DRC10: variants seen among roughly 807,000 people sequenced by gnomAD.
DRC10 encodes IQ domain-containing protein D.
the DRC10 span, chr12:113,195,937 C>A: frequency 6.5e-7 from 1 of 1,545,892 alleles, no homozygotes; most frequent in South Asian, 1.2e-5. Context: ...AGTGCCTCCT[C>A]CCACCCTCCT....
chr12:113,217,313 T>C, the DRC10 span, among the ~76,000 whole-genome samples: 3 of 151,614 alleles, frequency 2.0e-5, no homozygotes, highest in Non-Finnish European at 4.4e-5. Context: ...ATAGTACTAA[T>C]CACACGTGTA....
chr12:113,217,180 A>C, the DRC10 span, among the ~76,000 whole-genome samples: 1 of 152,136 alleles, frequency 6.6e-6, no homozygotes, highest in Admixed American at 6.6e-5. Context: ...CCAACCCCCC[A>C]GGAATAATTT....
the DRC10 span, among the ~76,000 whole-genome samples, chr12:113,219,966 C>A: frequency 5.3e-5 from 8 of 152,160 alleles, no homozygotes; most frequent in Non-Finnish European, 7.3e-5. Flanking sequence ...CGCCACCAGG[C>A]CCGGCTAATT....
chr12:113,207,560 TG>T, the DRC10 span: 1 of 1,614,128 alleles, frequency 6.2e-7, no homozygotes, highest in East Asian at 2.2e-5. Context: ...CTCGCTTCCA[TG>T]GGACTAGTGA....
At chr12:113,218,435 G>A in the DRC10 span, among the ~76,000 whole-genome samples, 2 of 151,648 alleles carry the variant, frequency 1.3e-5, no homozygotes, top group Non-Finnish European at 2.9e-5. Context: ...GTGAGCCACC[G>A]TGCCCGGCTG....
chr12:113,208,819 G>A, the DRC10 span, among the ~76,000 whole-genome samples: 19 of 152,290 alleles, frequency 1.2e-4, 1 homozygote, highest in African/African-American at 4.3e-4. Context: ...CCTGGGCGAC[G>A]GAACCACAGG....
the DRC10 span, among the ~76,000 whole-genome samples, chr12:113,196,304 G>A: frequency 6.6e-6 from 1 of 152,264 alleles, no homozygotes; most frequent in South Asian, 2.1e-4. Context: ...GCACACAGTG[G>A]GGACACAAGA....
chr12:113,195,753 A>C, the DRC10 span: 2 of 1,613,626 alleles, frequency 1.2e-6, no homozygotes, highest in African/African-American at 1.3e-5. Flanking sequence ...CTCTGCCTCC[A>C]TCCTTTTCTT....
At chr12:113,215,241 CCA>C in the DRC10 span, among the ~76,000 whole-genome samples, 1 of 152,186 alleles carries the variant, frequency 6.6e-6, no homozygotes, top group Non-Finnish European at 1.5e-5. Context: ...CAGTGTCTCA[CCA>C]CTTCCTGGCT....
chr12:113,204,937 AAT>A, the DRC10 span, among the ~76,000 whole-genome samples: 2,367 of 152,028 alleles, frequency 0.016, 81 homozygotes, highest in East Asian at 0.15. Flanking sequence ...AAAAAAAAAA[AAT>A]AGTTCGCTGA....
the DRC10 span, among the ~76,000 whole-genome samples, chr12:113,212,762 G>C: frequency 5.9e-5 from 9 of 152,228 alleles, no homozygotes; most frequent in Non-Finnish European, 1.5e-5. Flanking sequence ...AAAAATGACT[G>C]GAGAATCTCT....
At chr12:113,200,843 A>G in the DRC10 span, 1 of 1,478,504 alleles carries the variant, frequency 6.8e-7, no homozygotes, top group Non-Finnish European at 9.0e-7. Flanking sequence ...GGCTCCGTTA[A>G]TACCTCCATG....
At chr12:113,201,550 A>T in the DRC10 span, among the ~76,000 whole-genome samples, 1 of 152,194 alleles carries the variant, frequency 6.6e-6, no homozygotes, top group Non-Finnish European at 1.5e-5. Flanking sequence ...AAGGTGTGCG[A>T]TGAACACAGG....
the DRC10 span, chr12:113,208,383 A>C: frequency 7.4e-7 from 1 of 1,358,402 alleles, no homozygotes; most frequent in Non-Finnish European, 9.5e-7. Context: ...TTTTACACAG[A>C]ACCTTTCACT....
At chr12:113,219,256 G>A in the DRC10 span, among the ~76,000 whole-genome samples, 1 of 151,894 alleles carries the variant, frequency 6.6e-6, no homozygotes, top group African/African-American at 2.4e-5. Flanking sequence ...GGCTGGTCTC[G>A]AACTCCTGAC....
the DRC10 span, among the ~76,000 whole-genome samples, chr12:113,213,010 A>G: frequency 6.6e-6 from 1 of 152,100 alleles, no homozygotes; most frequent in African/African-American, 2.4e-5. Context: ...TCTTCATTCA[A>G]ACAGGCTTGT....
chr12:113,213,016 C>T, the DRC10 span, among the ~76,000 whole-genome samples: 1 of 151,650 alleles, frequency 6.6e-6, no homozygotes, highest in Non-Finnish European at 1.5e-5. Context: ...TTCAAACAGG[C>T]TTGTTGGATA....
the DRC10 span, chr12:113,207,356 A>T: frequency 8.4e-7 from 1 of 1,187,286 alleles, no homozygotes; most frequent in Non-Finnish European, 1.3e-6. Context: ...TTAAAAAAAA[A>T]ATCAATCATT....
chr12:113,208,422 T>C, the DRC10 span: 1 of 1,219,414 alleles, frequency 8.2e-7, no homozygotes, highest in African/African-American at 1.5e-5. Context: ...TGTGAGGGTG[T>C]TAGGGCCACA....
Sources: gnomAD v4.1 joint callset for allele counts (sites outside exome capture counted in the v4.1 genomes callset) on GRCh38, gnomAD v4.1.1 for gene constraint, MANE v1.5 for transcripts, NCBI Gene and HGNC (gene_info 2026-07-23, HGNC 2026-07-21) for gene names.